PYHIN1: variants seen among roughly 807,000 people sequenced by gnomAD.
The protein encoded by PYHIN1 is pyrin and HIN domain-containing protein 1.
In PYHIN1, 32 loss-of-function variants were observed where a neutral mutation model predicts 43.7. The observed-to-expected ratio is 0.73, with a 90% CI of 0.55 to 0.98. The LOEUF (loss-of-function observed/expected upper bound fraction) is 0.98, where lower values mean the gene tolerates loss of function less well. Among genes scored for constraint, PYHIN1 ranks in the 50% least tolerant of loss-of-function variants. PYHIN1 has a pLI of 0.00. For missense variants in PYHIN1, 588 were observed against 589.5 expected (o/e 1.00, Z 0.03); for synonymous variants, 205 against 203.1 (o/e 1.01, Z -0.08).
chr1:158,973,057 T>G (rs186984551), intron 7 of PYHIN1, among the ~76,000 whole-genome samples: 2 of 152,034 alleles, frequency 1.3e-5, no homozygotes, highest in Non-Finnish European at 2.9e-5. Context: ...CTATCAGCAG[T>G]GAACAAGAAG....
the PYHIN1 span, among the ~76,000 whole-genome samples, chr1:158,987,913 T>C: frequency 0.66 from 100,214 of 152,058 alleles, 35,676 homozygotes; most frequent in Non-Finnish European, 0.79. Flanking sequence ...CTATGCCTTA[T>C]AAAAAGGGAA....
At chr1:158,945,169 A>T in intron 7 of PYHIN1, 127 bp downstream of exon 7, 1 of 963,248 alleles carries the variant, frequency 1.0e-6, no homozygotes, top group South Asian at 2.0e-5. Context: ...TAAATCACCC[A>T]TGTATTTATT....
chr1:158,980,271 A>C (rs1256643149), downstream of PYHIN1, among the ~76,000 whole-genome samples: 1 of 152,120 alleles, frequency 6.6e-6, no homozygotes, highest in Non-Finnish European at 1.5e-5. Flanking sequence ...ATAATTGTTA[A>C]CTGTACAGAT....
chr1:158,965,907 T>C (rs1259005688), intron 7 of PYHIN1, among the ~76,000 whole-genome samples: 2 of 150,640 alleles, frequency 1.3e-5, no homozygotes, highest in Admixed American at 6.6e-5. Context: ...CTAAAAGAAA[T>C]TGAGATGTGA....
At chr1:158,986,378 C>T in the PYHIN1 span, among the ~76,000 whole-genome samples, 15 of 152,206 alleles carry the variant, frequency 9.9e-5, no homozygotes, top group Non-Finnish European at 2.2e-4. Flanking sequence ...GTCCAAGGAT[C>T]AGCTCAGCAC....
chr1:158,976,508 C>T (rs1057091585), intron 8 of PYHIN1, among the ~76,000 whole-genome samples, 193 bp from the exon 9 acceptor site: 2 of 151,802 alleles, frequency 1.3e-5, no homozygotes, highest in East Asian at 1.9e-4. Context: ...TTCATGGTCC[C>T]AACAGAGGGG....
the PYHIN1 span, among the ~76,000 whole-genome samples, chr1:158,989,893 C>T: frequency 3.3e-5 from 5 of 149,894 alleles, no homozygotes; most frequent in African/African-American, 9.9e-5. Flanking sequence ...AAAAAAAAAA[C>T]TACCTTCCAA....
chr1:158,972,211 A>G (rs1215133189), intron 7 of PYHIN1, among the ~76,000 whole-genome samples: 1 of 151,992 alleles, frequency 6.6e-6, no homozygotes, highest in East Asian at 1.9e-4. Flanking sequence ...CCAACTCTGA[A>G]CCATCCTCAG....
chr1:158,967,672 C>T (rs145278597), intron 7 of PYHIN1, among the ~76,000 whole-genome samples: 302 of 152,156 alleles, frequency 2.0e-3, no homozygotes, highest in African/African-American at 7.1e-3. Context: ...CTGGAGGTAT[C>T]ACTTGACCCA....
chr1:158,935,283 A>G (rs1462956184), intron 1 of PYHIN1, among the ~76,000 whole-genome samples: 1 of 151,584 alleles, frequency 6.6e-6, no homozygotes, highest in African/African-American at 2.4e-5. Flanking sequence ...GGAACACACA[A>G]GTGCCAGAGG....
intron 2 of PYHIN1, 48 bp downstream of exon 2, chr1:158,937,223 T>C (rs752555687): frequency 4.6e-6 from 7 of 1,511,968 alleles, no homozygotes; most frequent in Non-Finnish European, 6.2e-6. Context: ...TCCCCACCCT[T>C]CCCAACCTTG....
intron 8 of PYHIN1, among the ~76,000 whole-genome samples, chr1:158,975,018 C>T (rs1400705774): frequency 1.3e-5 from 2 of 151,986 alleles, no homozygotes; most frequent in South Asian, 2.1e-4. Context: ...TTTCTATAGC[C>T]GTTAGATTTA....
At chr1:158,957,571 G>C (rs1220986157) in intron 7 of PYHIN1, among the ~76,000 whole-genome samples, 2 of 149,834 alleles carry the variant, frequency 1.3e-5, no homozygotes, top group Non-Finnish European at 3.0e-5. Flanking sequence ...GCTGAAACTG[G>C]ATCCCTTCCT....
chr1:158,984,635 G>C, the PYHIN1 span, among the ~76,000 whole-genome samples: 218 of 152,276 alleles, frequency 1.4e-3, no homozygotes, highest in Non-Finnish European at 1.7e-3. Context: ...CTGTTGTTGA[G>C]TGGAATGTTC....
rs201414654 is a variant in PYHIN1 at position 158,938,503 on chromosome 1, T to C, written c.372T>C (p.Arg124=). The C allele has an allele frequency of 1.9e-6, 3 of 1,614,150 alleles. No homozygotes were observed. The highest frequency in any genetic ancestry group is 3.3e-5 in the Admixed American group (2 of 60,020). The change falls in exon 3 of 9, where the codon CGT becomes CGC. Residue 124 remains arginine (R), a synonymous_variant. Coordinates refer to ENST00000368140, the MANE Select transcript of PYHIN1 (RefSeq NM_152501.5). The stretch of plus-strand genomic sequence containing the variant: ...CACCTGCATGCACCCCAAGCAACCG[T>C]CTCACAGCTAAAGGAGCAGAGGAGA... ...PATPACTPSN[R]LTAKGAEETL...
chr1:158,957,352 C>T (rs915599918), intron 7 of PYHIN1, among the ~76,000 whole-genome samples: 1 of 152,028 alleles, frequency 6.6e-6, no homozygotes, highest in Non-Finnish European at 1.5e-5. Context: ...TGACTTCAAA[C>T]TATACTACAA....
intron 7 of PYHIN1, among the ~76,000 whole-genome samples, chr1:158,964,497 A>T (rs556405566): frequency 4.6e-4 from 70 of 152,192 alleles, no homozygotes; most frequent in Non-Finnish European, 9.3e-4. Context: ...GTCACTGGGA[A>T]GGTCACCTAC....
chr1:158,987,796 C>G, the PYHIN1 span, among the ~76,000 whole-genome samples: 2 of 151,992 alleles, frequency 1.3e-5, no homozygotes, highest in Admixed American at 1.3e-4. Flanking sequence ...AATGACTAGT[C>G]TTTTCTTTCT....
intron 7 of PYHIN1, among the ~76,000 whole-genome samples, chr1:158,959,870 A>T (rs1396574963): frequency 6.6e-6 from 1 of 152,208 alleles, no homozygotes; most frequent in African/African-American, 2.4e-5. Flanking sequence ...ATGTGCATCA[A>T]TTCTTATTCC....
Sources: gnomAD v4.1 joint callset for allele counts (sites outside exome capture counted in the v4.1 genomes callset) on GRCh38, gnomAD v4.1.1 for gene constraint, MANE v1.5 for transcripts, NCBI Gene and HGNC (gene_info 2026-07-23, HGNC 2026-07-21) for gene names.